Variants in SMARCC1 observed in about 807,000 individuals in gnomAD.
The protein encoded by SMARCC1 is SWI/SNF related BAF chromatin remodeling complex subunit C1.
SMARCC1 carries 43 observed loss-of-function variants against 147.4 expected under a neutral mutation model. That is an observed-to-expected ratio of 0.29 (90% CI 0.23 to 0.38). The LOEUF is 0.38. Ranked by LOEUF, SMARCC1 falls within the 10% of genes least tolerant of loss-of-function variation. The pLI, the probability that SMARCC1 is intolerant of heterozygous loss-of-function variation, is 1.00. For missense variants in SMARCC1, 1,119 were observed against 1,381.1 expected (o/e 0.81, Z 3.01); for synonymous variants, 495 against 484.4 (o/e 1.02, Z -0.29).
intron 9 of SMARCC1, among the ~76,000 whole-genome samples, chr3:47,707,762 C>T (rs1576417806): frequency 1.3e-5 from 2 of 151,936 alleles, no homozygotes; most frequent in South Asian, 4.1e-4. Flanking sequence ...GTCTGTGGCC[C>T]GAATTACTCA....
At position 47,778,212 on chromosome 3, in the gene SMARCC1, A is replaced by AAAAC. The variant is rs1559671069; in HGVS notation, c.195+3390_195+3391insGTTT. Among the ~76,000 whole-genome samples the AAAAC allele has an allele frequency of 3.1e-3, 382 of 121,294 alleles. 7 individuals carry two copies. The highest frequency in any genetic ancestry group is 8.1e-3 in the African/African-American group (262 of 32,154). 79.6% of individuals were successfully genotyped at this position (121,294 alleles called of 152,430 possible). A position where few individuals can be genotyped will look rare whatever the true frequency, so the allele number is the denominator to read the frequency against. On this transcript the variant is annotated intron_variant, in intron 1 of 27. Coordinates refer to ENST00000254480, the MANE Select transcript of SMARCC1 (RefSeq NM_003074.4). ...TCTCAAAAAAAAAAAACAAAAAACA[A>AAAAC]AAAACAAAAAAAACACTGACTCCTA...
chr3:47,644,494 T>A (rs561008158), intron 21 of SMARCC1, among the ~76,000 whole-genome samples: 1 of 152,114 alleles, frequency 6.6e-6, no homozygotes. Context: ...AGACACTGTC[T>A]CAAAAGAAAA....
Position 47,757,465 on chromosome 3 carries a change from T to C in SMARCC1, c.316-11472A>G, listed in dbSNP as rs187222775. ...GTAAAAGACAAAAAGATTCCAAGGA[T>C]TGGTGAGAAAGTAGAAAATCAGAAC... On this transcript the variant is annotated intron_variant, in intron 2 of 27. Transcript: ENST00000254480. 1.5e-4 allele frequency among the ~76,000 whole-genome samples: 23 copies of C among 151,976 alleles called. No individual in the cohort carries two copies. The East Asian group carries it at 2.5e-3, about 17-fold the overall frequency.
chr3:47,641,941 T>C (rs1291586226), intron 21 of SMARCC1, among the ~76,000 whole-genome samples: 3 of 152,070 alleles, frequency 2.0e-5, no homozygotes, highest in Non-Finnish European at 4.4e-5. Context: ...CTGGCTAATT[T>C]TGTTTATTTT....
chr3:47,649,808 A>G (rs2033163342), intron 21 of SMARCC1, among the ~76,000 whole-genome samples: 1 of 152,182 alleles, frequency 6.6e-6, no homozygotes, highest in Non-Finnish European at 1.5e-5. Flanking sequence ...ACCCTTGACT[A>G]GCCCTTGAAT....
intron 24 of SMARCC1, among the ~76,000 whole-genome samples, chr3:47,629,192 T>C (rs1364031874): frequency 6.6e-6 from 1 of 152,136 alleles, no homozygotes; most frequent in African/African-American, 2.4e-5. Context: ...CCTTGATGTG[T>C]CTCACCCCTA....
intron 19 of SMARCC1, chr3:47,663,841 G>C: frequency 1.3e-6 from 2 of 1,570,822 alleles, no homozygotes; most frequent in Non-Finnish European, 1.8e-6. Context: ...AGCGCTCTCA[G>C]CTCATGATGT....
chr3:47,735,434 G>A (rs1180745862), intron 5 of SMARCC1, among the ~76,000 whole-genome samples: 1 of 152,094 alleles, frequency 6.6e-6, no homozygotes, highest in Non-Finnish European at 1.5e-5. Context: ...GCTGGAGGAT[G>A]ACTTGAAGCC....
intron 26 of SMARCC1, among the ~76,000 whole-genome samples, chr3:47,605,085 T>A (rs1015243568): frequency 3.9e-5 from 6 of 152,216 alleles, no homozygotes; most frequent in Admixed American, 3.9e-4. Flanking sequence ...AAGGGGTAAT[T>A]TGGAAAAATT....
chr3:47,781,741 C>A lies in SMARCC1; in HGVS notation c.57G>T (p.Ser19=). Reference sequence around the variant, plus strand: ...GGCCTGCGGCTGCCGCCGCAATCCCCGAGCCCGTGGCGCCTACCGCTGTCC... The same window carrying A: ...GGCCTGCGGCTGCCGCCGCAATCCCAGAGCCCGTGGCGCCTACCGCTGTCC... ...GPGTAVGATG[S]GIAAAAAGLA... The change falls in exon 1 of 28, where the codon TCG becomes TCT. Residue 19 remains serine, a synonymous_variant. Coordinates refer to ENST00000254480, the MANE Select transcript of SMARCC1 (RefSeq NM_003074.4). 1 of 1,548,938 alleles carries A rather than the reference C, an allele frequency of 6.5e-7. No homozygotes were observed. The highest frequency in any genetic ancestry group is 2.7e-5 in the East Asian group (1 of 37,066).
chr3:47,595,010 C>G (rs1351810265), intron 26 of SMARCC1, among the ~76,000 whole-genome samples: 1 of 152,152 alleles, frequency 6.6e-6, no homozygotes. Context: ...AGTGGAAGCA[C>G]CGTTTGCAAC....
At chr3:47,702,187 T>G (rs997037079) in intron 10 of SMARCC1, among the ~76,000 whole-genome samples, 2 of 127,160 alleles carry the variant, frequency 1.6e-5, no homozygotes, top group African/African-American at 5.8e-5. Flanking sequence ...AAAAATTCAA[T>G]CAAATCATTA....
chr3:47,716,415 C>CAA (rs776727634), intron 7 of SMARCC1, among the ~76,000 whole-genome samples: 1,175 of 51,006 alleles, frequency 0.023, 29 homozygotes, highest in East Asian at 0.075. Context: ...GACTCCATCT[C>CAA]AAAAAAAAAA....
At chr3:47,604,308 C>A (rs1350927428) in intron 26 of SMARCC1, 1 of 456,704 alleles carries the variant, frequency 2.2e-6, no homozygotes, top group East Asian at 6.9e-5. Flanking sequence ...GGTAATAAAT[C>A]TGCCTAGTCC....
intron 21 of SMARCC1, among the ~76,000 whole-genome samples, chr3:47,655,606 A>G (rs867900253): frequency 2.7e-5 from 4 of 147,904 alleles, no homozygotes; most frequent in Non-Finnish European, 6.0e-5. Flanking sequence ...CTGAGACAGC[A>G]GAATCGCTTG....
chr3:47,695,418 G>C (rs2033836550), intron 11 of SMARCC1, among the ~76,000 whole-genome samples: 1 of 152,140 alleles, frequency 6.6e-6, no homozygotes, highest in African/African-American at 2.4e-5. Context: ...CTGGAAAACT[G>C]AATGCCTGTT....
intron 14 of SMARCC1, among the ~76,000 whole-genome samples, chr3:47,684,254 A>G (rs1156988529): frequency 1.3e-5 from 2 of 151,666 alleles, no homozygotes; most frequent in African/African-American, 4.8e-5. Flanking sequence ...AAAAAAAAAA[A>G]AAAAAGACAG....
intron 25 of SMARCC1, among the ~76,000 whole-genome samples, chr3:47,620,870 G>A (rs948543439): frequency 3.3e-5 from 5 of 152,154 alleles, no homozygotes; most frequent in Admixed American, 3.3e-4. Flanking sequence ...GAAAATCTCT[G>A]AACACTTATA....
chr3:47,612,100 T>C (rs1194115450), intron 25 of SMARCC1, among the ~76,000 whole-genome samples: 3 of 152,278 alleles, frequency 2.0e-5, no homozygotes, highest in Non-Finnish European at 4.4e-5. Context: ...CTGGTTCAGT[T>C]TCCTGTGTGC....
Sources: gnomAD v4.1 joint callset for allele counts (sites outside exome capture counted in the v4.1 genomes callset) on GRCh38, gnomAD v4.1.1 for gene constraint, MANE v1.5 for transcripts, NCBI Gene and HGNC (gene_info 2026-07-23, HGNC 2026-07-21) for gene names.